Variants in CDK14 observed in about 807,000 individuals in gnomAD.
CDK14 encodes the protein cyclin-dependent kinase 14.
A neutral mutation model predicts 60.7 loss-of-function variants in CDK14; 34 were observed. The observed-to-expected ratio is 0.56, with a 90% CI of 0.43 to 0.75. CDK14 has a LOEUF of 0.75. Among genes scored for constraint, CDK14 ranks in the 30% least tolerant of loss-of-function variants. The pLI, the probability that CDK14 is intolerant of heterozygous loss-of-function variation, is 0.00. For synonymous variants in CDK14, 197 were observed against 203.7 expected (o/e 0.97, Z 0.28); for missense variants, 482 against 564.1 (o/e 0.85, Z 1.47).
In CDK14 at chr7:90,646,995, AC is replaced by A. The variant is rs200512849; in HGVS notation, c.123+42749del. ...CTGAAATGTCTGTTTTTCCACCTTT[AC>A]CCTTGTTGCATTTTCTGAAGCTTGC... On this transcript the variant is annotated intron_variant, in intron 2 of 14. Coordinates refer to ENST00000380050, the MANE Select transcript of CDK14 (RefSeq NM_001287135.2). Among the ~76,000 whole-genome samples, 262 of 152,136 alleles carry A rather than the reference AC, an allele frequency of 1.7e-3. 7 individuals are homozygous for A. The East Asian group carries it at 0.048, about 28-fold the overall frequency.
At chr7:90,679,724 A>G (rs1801276532) in intron 2 of CDK14, among the ~76,000 whole-genome samples, 1 of 152,258 alleles carries the variant, frequency 6.6e-6, no homozygotes, top group South Asian at 2.1e-4. Flanking sequence ...AATCAAAAGT[A>G]GTTTACTTTC....
chr7:91,173,719 A>G (rs1393955417), intron 14 of CDK14, among the ~76,000 whole-genome samples: 1 of 151,870 alleles, frequency 6.6e-6, no homozygotes, highest in Non-Finnish European at 1.5e-5. Flanking sequence ...AAATCGGGTC[A>G]CTCCCACCCC....
At chr7:90,619,533 G>A (rs1799724021) in intron 2 of CDK14, among the ~76,000 whole-genome samples, 1 of 152,054 alleles carries the variant, frequency 6.6e-6, no homozygotes, top group Admixed American at 6.6e-5. Flanking sequence ...AAATTTTAAT[G>A]AACATAAAAT....
At chr7:91,172,341 G>A (rs1801546387) in intron 14 of CDK14, among the ~76,000 whole-genome samples, 1 of 152,062 alleles carries the variant, frequency 6.6e-6, no homozygotes, top group Non-Finnish European at 1.5e-5. Flanking sequence ...CTGTTCATTT[G>A]CCTCCTAAAT....
intron 12 of CDK14, among the ~76,000 whole-genome samples, chr7:91,102,751 C>T (rs1489325524): frequency 1.3e-5 from 2 of 151,600 alleles, no homozygotes; most frequent in African/African-American, 4.8e-5. Context: ...AAGAAAATGA[C>T]ATCTTCCGGG....
chr7:90,874,368 C>G (rs933055013), intron 6 of CDK14, among the ~76,000 whole-genome samples: 4 of 151,996 alleles, frequency 2.6e-5, no homozygotes, highest in Admixed American at 6.5e-5. Flanking sequence ...TTTTTCAGTT[C>G]CATTGTTTCT....
intron 14 of CDK14, among the ~76,000 whole-genome samples, chr7:91,139,416 A>AT (rs1466535014): frequency 6.6e-6 from 1 of 152,132 alleles, no homozygotes; most frequent in African/African-American, 2.4e-5. Context: ...AATAAAATGC[A>AT]TTTTTTCTAG....
At chr7:91,058,442 T>G (rs1162755460) in intron 11 of CDK14, among the ~76,000 whole-genome samples, 1 of 152,172 alleles carries the variant, frequency 6.6e-6, no homozygotes, top group Non-Finnish European at 1.5e-5. Context: ...TCCAACACTA[T>G]GTTGAATAGG....
intron 14 of CDK14, among the ~76,000 whole-genome samples, chr7:91,159,975 G>A (rs898820266): frequency 1.4e-4 from 22 of 152,144 alleles, no homozygotes; most frequent in African/African-American, 5.3e-4. Context: ...ATGCATGAGT[G>A]TGATGGGAAG....
At chr7:90,943,755 C>T (rs542751848) in intron 8 of CDK14, among the ~76,000 whole-genome samples, 8 of 152,256 alleles carry the variant, frequency 5.3e-5, no homozygotes, top group Admixed American at 3.9e-4. Context: ...AGTTCTTTAA[C>T]GTTTTGAAAT....
chr7:90,942,172 A>G (rs988511760), intron 8 of CDK14, among the ~76,000 whole-genome samples: 2 of 152,096 alleles, frequency 1.3e-5, no homozygotes, highest in Non-Finnish European at 2.9e-5. Context: ...TCTCTCTCTG[A>G]CTAGGGCCGG....
chr7:90,653,332 G>A (rs1204188986), intron 2 of CDK14, among the ~76,000 whole-genome samples: 1 of 152,012 alleles, frequency 6.6e-6, no homozygotes, highest in Non-Finnish European at 1.5e-5. Context: ...AATTACCTCT[G>A]TGACCCGTTT....
intron 2 of CDK14, among the ~76,000 whole-genome samples, chr7:90,725,878 G>C (rs1177220850): frequency 6.6e-6 from 1 of 152,052 alleles, no homozygotes; most frequent in Non-Finnish European, 1.5e-5. Context: ...AGGGAAGGAG[G>C]TGGAGGTCTA....
rs190242716 is a variant in CDK14, at chr7:90,938,582, T to A, written c.827-17115T>A. On this transcript the variant is annotated intron_variant, in intron 8 of 14. Coordinates refer to ENST00000380050, the MANE Select transcript of CDK14 (RefSeq NM_001287135.2). ...GCTACATGAAGTCAATAATTTTTTT[T>A]AAAAAATGAGTCATTTGTGACTTTA... 7.9e-3 allele frequency among the ~76,000 whole-genome samples: 1,201 copies of A among 152,230 alleles called. 21 individuals carry two copies. The highest frequency in any genetic ancestry group is 0.026 in the African/African-American group (1,062 of 41,530).
intron 2 of CDK14, among the ~76,000 whole-genome samples, chr7:90,654,617 T>C (rs1800714598): frequency 6.6e-6 from 1 of 152,174 alleles, no homozygotes; most frequent in South Asian, 2.1e-4. Context: ...TTAAGATGCA[T>C]ACAAAGTTTG....
intron 5 of CDK14, among the ~76,000 whole-genome samples, chr7:90,805,320 A>G (rs1788781736): frequency 6.6e-6 from 1 of 152,216 alleles, no homozygotes; most frequent in African/African-American, 2.4e-5. Flanking sequence ...TGTTAATAGA[A>G]TAAAGTTTAA....
chr7:91,004,197 TAGA>T (rs1481116601), intron 10 of CDK14, among the ~76,000 whole-genome samples: 1 of 152,154 alleles, frequency 6.6e-6, no homozygotes, highest in Non-Finnish European at 1.5e-5. Context: ...ATAAAACCAG[TAGA>T]AAACTGCGAT....
chr7:90,700,243 A>G (rs1450585435), intron 2 of CDK14, among the ~76,000 whole-genome samples: 2 of 152,006 alleles, frequency 1.3e-5, no homozygotes, highest in African/African-American at 4.8e-5. Flanking sequence ...TTAGGCATGC[A>G]CCACCATGCC....
At chr7:90,676,063 A>G (rs942111905) in intron 2 of CDK14, among the ~76,000 whole-genome samples, 1 of 152,230 alleles carries the variant, frequency 6.6e-6, no homozygotes, top group Non-Finnish European at 1.5e-5. Context: ...TTTATTGAGC[A>G]CATACTATAT....
Sources: allele counts gnomAD v4.1 joint callset (sites outside exome capture counted in the v4.1 genomes callset), GRCh38; gene constraint gnomAD v4.1.1; transcripts MANE v1.5; gene names NCBI Gene and HGNC (gene_info 2026-07-23, HGNC 2026-07-21).